The following CDH13 variants were observed in gnomAD, a reference collection of about 807,000 sequenced individuals.
CDH13 encodes the protein cadherin-13.
A neutral mutation model predicts 63.8 loss-of-function variants in CDH13; 24 were observed. The ratio of observed to expected loss-of-function variants is 0.38; its 90% CI spans 0.27 to 0.53. The LOEUF (loss-of-function observed/expected upper bound fraction) is 0.53. Among genes scored for constraint, CDH13 ranks in the 20% least tolerant of loss-of-function variants. CDH13 has a pLI of 0.85. For missense variants in CDH13, 1,049 were observed against 903.1 expected, an observed-to-expected ratio of 1.16 and a Z score of -2.07; for synonymous variants, 503 against 355.3, an observed-to-expected ratio of 1.42 and a Z score of -4.67.
chr16:83,428,279 CA>C (rs1425684647), intron 6 of CDH13, among the ~76,000 whole-genome samples: 2 of 152,062 alleles, frequency 1.3e-5, no homozygotes, highest in Non-Finnish European at 2.9e-5. Context: ...GCAGCAAAAA[CA>C]GTGAACTAGC....
At chr16:83,522,056 C>G (rs548457104) in intron 7 of CDH13, among the ~76,000 whole-genome samples, 1 of 152,334 alleles carries the variant, frequency 6.6e-6, no homozygotes, top group South Asian at 2.1e-4. Flanking sequence ...AGGCCACCTT[C>G]CTTCCTAGGT....
At chr16:82,710,576 T>TATATATATATATAA (rs1491551033) in intron 1 of CDH13, among the ~76,000 whole-genome samples, 5 of 117,636 alleles carry the variant, frequency 4.3e-5, no homozygotes, top group Non-Finnish European at 9.0e-5. Context: ...TATATATATA[T>TATATATATATATAA]AAATATATTT....
chr16:82,638,022 G>C (rs114459541), intron 1 of CDH13, among the ~76,000 whole-genome samples: 2 of 152,302 alleles, frequency 1.3e-5, no homozygotes, highest in African/African-American at 4.8e-5. Flanking sequence ...TGTTACAATA[G>C]GAAGCAGTAG....
intron 1 of CDH13, chr16:82,723,104 G>A (rs578068565): frequency 2.0e-5 from 3 of 152,278 alleles, no homozygotes; most frequent in East Asian, 1.9e-4. Flanking sequence ...CAAAAATGGA[G>A]AACAGGTGGA....
intron 6 of CDH13, among the ~76,000 whole-genome samples, chr16:83,417,655 A>G (rs1162481837): frequency 1.3e-5 from 2 of 152,224 alleles, no homozygotes; most frequent in Admixed American, 6.5e-5. Context: ...TTTAGCAGCT[A>G]GAGAAACTCC....
intron 6 of CDH13, among the ~76,000 whole-genome samples, chr16:83,474,256 T>C (rs9938700): frequency 0.025 from 3,825 of 152,252 alleles, 165 homozygotes; most frequent in African/African-American, 0.087. Flanking sequence ...CCTGCATCTT[T>C]AAGCCAACTT....
chr16:83,184,887 G>A (rs1161616291), intron 4 of CDH13, among the ~76,000 whole-genome samples: 1 of 149,346 alleles, frequency 6.7e-6, no homozygotes, highest in African/African-American at 2.6e-5. Context: ...TAAGCCGTGT[G>A]TGTGTGTGTG....
chr16:82,974,681 A>G (rs977678157), intron 2 of CDH13, among the ~76,000 whole-genome samples: 4 of 152,178 alleles, frequency 2.6e-5, no homozygotes, highest in African/African-American at 7.2e-5. Flanking sequence ...AGGAGGAGGC[A>G]GAAGATCCAG....
chr16:82,989,864 C>T (rs770986784), intron 2 of CDH13, among the ~76,000 whole-genome samples: 1 of 152,116 alleles, frequency 6.6e-6, no homozygotes, highest in African/African-American at 2.4e-5. Context: ...TGTTAAAATC[C>T]CTGGGACCTA....
At chr16:82,867,137 T>C (rs2040178283) in intron 2 of CDH13, among the ~76,000 whole-genome samples, 1 of 152,154 alleles carries the variant, frequency 6.6e-6, no homozygotes, top group Non-Finnish European at 1.5e-5. Context: ...ATCTGCCCAT[T>C]TTACAGGTGA....
intron 1 of CDH13, among the ~76,000 whole-genome samples, chr16:82,857,872 A>G (rs1010615870): frequency 6.6e-6 from 1 of 152,166 alleles, no homozygotes; most frequent in Non-Finnish European, 1.5e-5. Context: ...CTCAGTAGCC[A>G]CCGGTGGTTC....
intron 10 of CDH13, among the ~76,000 whole-genome samples, chr16:83,704,378 C>G (rs749869799): frequency 6.6e-6 from 1 of 152,296 alleles, no homozygotes; most frequent in East Asian, 1.9e-4. Flanking sequence ...AGATGGTTCT[C>G]CAACTCCCAT....
At chr16:83,069,156 A>G (rs1451785439) in intron 3 of CDH13, among the ~76,000 whole-genome samples, 2 of 152,156 alleles carry the variant, frequency 1.3e-5, no homozygotes, top group East Asian at 1.9e-4. Flanking sequence ...ATTTGTTTGC[A>G]TCTTGAATTA....
At chr16:82,648,126 C>G (rs974710203) in intron 1 of CDH13, among the ~76,000 whole-genome samples, 7 of 152,168 alleles carry the variant, frequency 4.6e-5, no homozygotes, top group Admixed American at 3.3e-4. Flanking sequence ...TCCATTAAAA[C>G]TCTTTTTCTT....
chr16:82,759,039 T>C (rs1428610606), intron 1 of CDH13, among the ~76,000 whole-genome samples: 1 of 152,094 alleles, frequency 6.6e-6, no homozygotes, highest in African/African-American at 2.4e-5. Flanking sequence ...TTCTCAGCAT[T>C]GGGGGCTTAT....
At chr16:82,742,986 T>A (rs1226229904) in intron 1 of CDH13, among the ~76,000 whole-genome samples, 3 of 152,116 alleles carry the variant, frequency 2.0e-5, no homozygotes, top group African/African-American at 4.8e-5. Context: ...TAGAAAAAAA[T>A]TATGTAAGAG....
At chr16:83,458,459 A>T (rs1289319107) in intron 6 of CDH13, among the ~76,000 whole-genome samples, 1 of 152,136 alleles carries the variant, frequency 6.6e-6, no homozygotes, top group East Asian at 1.9e-4. Context: ...AAATATAACT[A>T]CATATCTACA....
intron 13 of CDH13, among the ~76,000 whole-genome samples, chr16:83,792,036 G>C (rs1323261882): frequency 2.0e-5 from 3 of 152,180 alleles, no homozygotes; most frequent in Non-Finnish European, 4.4e-5. Flanking sequence ...TCATTGATCT[G>C]CTTTCTCTAA....
At chr16:83,314,034 A>G (rs767468773) in intron 5 of CDH13, among the ~76,000 whole-genome samples, 25 of 152,226 alleles carry the variant, frequency 1.6e-4, no homozygotes, top group African/African-American at 3.6e-4. Context: ...CTGTATATCA[A>G]CTTAAACTCT....
Sources: gnomAD v4.1 joint callset for allele counts (sites outside exome capture counted in the v4.1 genomes callset) on GRCh38, gnomAD v4.1.1 for gene constraint, MANE v1.5 for transcripts, NCBI Gene and HGNC (gene_info 2026-07-23, HGNC 2026-07-21) for gene names.